Variants in TLN2 observed in about 807,000 individuals in gnomAD.
The protein encoded by TLN2 is talin 2, also known as talin-2.
In TLN2, 118 loss-of-function variants were observed where a neutral mutation model predicts 294.7. The ratio of observed to expected loss-of-function variants is 0.40; its 90% CI spans 0.34 to 0.47. The LOEUF (loss-of-function observed/expected upper bound fraction) is 0.47, where lower values mean the gene tolerates loss of function less well. Among genes scored for constraint, TLN2 ranks in the 20% least tolerant of loss-of-function variants. The pLI, the probability that TLN2 is intolerant of heterozygous loss-of-function variation, is 0.84. For missense variants in TLN2, 3,083 were observed against 3,282.2 expected (o/e 0.94, Z 1.48); for synonymous variants, 1,431 against 1,304.5 (o/e 1.10, Z -2.09).
chr15:62,809,681 T>C (rs1004910867), intron 51 of TLN2, among the ~76,000 whole-genome samples: 3 of 152,190 alleles, frequency 2.0e-5, no homozygotes, highest in African/African-American at 7.2e-5. Flanking sequence ...AAGGTCCAGA[T>C]TGAGCTGTTT....
intron 1 of TLN2, among the ~76,000 whole-genome samples, chr15:62,488,729 C>T (rs747201862): frequency 2.6e-5 from 4 of 152,168 alleles, no homozygotes; most frequent in Non-Finnish European, 5.9e-5. Flanking sequence ...AGCCAAATGG[C>T]TTCTAATTGA....
At chr15:62,837,428 A>G (rs2069835596) in intron 57 of TLN2, among the ~76,000 whole-genome samples, 1 of 152,208 alleles carries the variant, frequency 6.6e-6, no homozygotes, top group Non-Finnish European at 1.5e-5. Flanking sequence ...CAGGGGTTTC[A>G]TCTGTAAAAT....
rs141125162 is a variant in TLN2 at position 62,530,777 on chromosome 15, G to A, written c.-237-58910G>A. ...TACACTGTTGTACTTTCTGATCTTC[G>A]TCTTTCTGACACATGAAAAATAGTA... On this transcript the variant is annotated intron_variant, in intron 1 of 58. Transcript: ENST00000636159. Among the ~76,000 whole-genome samples the A allele has an allele frequency of 2.5e-3, 379 of 152,300 alleles. 2 individuals carry two copies. The highest frequency in any genetic ancestry group is 8.9e-3 in the African/African-American group (369 of 41,566).
chr15:62,434,749 G>A (rs1385209085), intron 1 of TLN2, among the ~76,000 whole-genome samples: 2 of 152,212 alleles, frequency 1.3e-5, no homozygotes, highest in Non-Finnish European at 2.9e-5. Context: ...GATGTGTGAT[G>A]TGAGGTTGAG....
intron 1 of TLN2, among the ~76,000 whole-genome samples, chr15:62,539,639 T>G (rs2041558194): frequency 6.6e-6 from 1 of 152,084 alleles, no homozygotes; most frequent in African/African-American, 2.4e-5. Flanking sequence ...AGAAGGTAGT[T>G]CCAGTGCCTG....
intron 1 of TLN2, among the ~76,000 whole-genome samples, chr15:62,497,287 A>T (rs997158421): frequency 2.6e-5 from 4 of 152,192 alleles, no homozygotes; most frequent in African/African-American, 7.2e-5. Context: ...TTCCTCCCCA[A>T]AATATCTGGG....
At chr15:62,426,478 G>A (rs2034714786) in intron 1 of TLN2, among the ~76,000 whole-genome samples, 1 of 152,178 alleles carries the variant, frequency 6.6e-6, no homozygotes, top group Non-Finnish European at 1.5e-5. Context: ...TTAACTGGCA[G>A]GGATTGGGAT....
rs376058582 is a variant in TLN2 at position 62,756,452 on chromosome 15, A to T, written c.4638+759A>T. On this transcript the variant is annotated intron_variant, in intron 37 of 58. Transcript: ENST00000636159. Reference sequence around the variant, plus strand: ...CTGTGAGAAAACAGCCACAGCCTGGACAACAGACCGCAGGCAGAAGGCCCA... The same window carrying T: ...CTGTGAGAAAACAGCCACAGCCTGGTCAACAGACCGCAGGCAGAAGGCCCA... Among the ~76,000 whole-genome samples the T allele has an allele frequency of 3.9e-5, 6 of 152,220 alleles. No homozygotes were observed. In the East Asian group the frequency reaches 9.7e-4, roughly 25 times the overall value.
intron 1 of TLN2, among the ~76,000 whole-genome samples, chr15:62,529,623 T>A (rs1172489513): frequency 6.6e-6 from 1 of 151,638 alleles, no homozygotes; most frequent in African/African-American, 2.4e-5. Flanking sequence ...AAAATAATTA[T>A]GACTCCTACC....
At chr15:62,456,315 A>T (rs1250953624) in intron 1 of TLN2, among the ~76,000 whole-genome samples, 1 of 152,148 alleles carries the variant, frequency 6.6e-6, no homozygotes, top group East Asian at 1.9e-4. Flanking sequence ...AAAGGTGAAA[A>T]GCGTTTCATC....
chr15:62,421,481 A>C (rs977186715), intron 1 of TLN2, among the ~76,000 whole-genome samples: 3 of 152,234 alleles, frequency 2.0e-5, no homozygotes, highest in Admixed American at 6.5e-5. Flanking sequence ...TGTTCGTGGA[A>C]TACTATACAG....
chr15:62,670,790 G>A (rs780114765), intron 9 of TLN2, among the ~76,000 whole-genome samples: 4 of 152,136 alleles, frequency 2.6e-5, no homozygotes, highest in Non-Finnish European at 5.9e-5. Context: ...TTTTGTGTGG[G>A]AGTGTTCTCA....
intron 8 of TLN2, among the ~76,000 whole-genome samples, chr15:62,657,047 A>C (rs961217481): frequency 6.6e-6 from 1 of 151,852 alleles, no homozygotes; most frequent in Non-Finnish European, 1.5e-5. Context: ...GAGAGATAGC[A>C]GGGCAGTGAA....
rs560780959 is a variant in TLN2 at position 62,678,104 on chromosome 15, C to T, written c.957+2783C>T. ...GCCACCACCCCTGGCCAAGCACTTGCAACTTCTATATACATATTAAATATT... is the reference window on the plus strand; with the variant it reads ...GCCACCACCCCTGGCCAAGCACTTGTAACTTCTATATACATATTAAATATT... On this transcript the variant is annotated intron_variant, in intron 11 of 58. Transcript: ENST00000636159. Among the ~76,000 whole-genome samples, 272 of 152,132 alleles carry T rather than the reference C, an allele frequency of 1.8e-3. 1 individual carries two copies. Among genetic ancestry groups the T allele is most frequent in the African/African-American group, 6.0e-3 (248 of 41,520 alleles).
chr15:62,612,898 G>A (rs981719045), intron 2 of TLN2, among the ~76,000 whole-genome samples: 4 of 152,176 alleles, frequency 2.6e-5, no homozygotes, highest in African/African-American at 9.7e-5. Context: ...TTAAAGATTT[G>A]TAATCCATTA....
intron 1 of TLN2, among the ~76,000 whole-genome samples, chr15:62,509,833 C>T (rs1267604098): frequency 1.3e-5 from 2 of 152,202 alleles, no homozygotes; most frequent in East Asian, 3.9e-4. Flanking sequence ...GCTCTGCCTC[C>T]TAATGCCTGG....
Position 62,701,156 on chromosome 15 carries a change from C to T in TLN2, c.1638C>T (p.Ile546=), listed in dbSNP as rs141677455. The change falls in exon 17 of 59, where the codon ATC becomes ATT. Residue 546 remains isoleucine, a synonymous_variant. Coordinates refer to ENST00000636159, the MANE Select transcript of TLN2 (RefSeq NM_015059.3). ...QNKVDESKHE[I]HSQVDAITAG... Reference sequence around the variant, plus strand: ...AAGTCGACGAATCCAAACACGAAATCCATTCTCAAGTTGATGCTATCACGG... The same window carrying T: ...AAGTCGACGAATCCAAACACGAAATTCATTCTCAAGTTGATGCTATCACGG... 2.9e-4 allele frequency: 463 copies of T among 1,614,106 alleles called. 4 individuals carry two copies. The African/African-American group carries it at 4.9e-3, about 17-fold the overall frequency.
intron 1 of TLN2, among the ~76,000 whole-genome samples, chr15:62,516,349 T>C (rs2040191609): frequency 6.6e-6 from 1 of 152,204 alleles, no homozygotes; most frequent in South Asian, 2.1e-4. Context: ...TCCTTTCCTC[T>C]TTGGATTATG....
intron 52 of TLN2, among the ~76,000 whole-genome samples, chr15:62,818,834 T>G (rs74020676): frequency 4.1e-4 from 37 of 90,468 alleles, no homozygotes; most frequent in African/African-American, 1.5e-3. Flanking sequence ...CATGTTCTTT[T>G]TTTTTTTATT....
Sources: gnomAD v4.1 joint callset for allele counts (sites outside exome capture counted in the v4.1 genomes callset) on GRCh38, gnomAD v4.1.1 for gene constraint, MANE v1.5 for transcripts, NCBI Gene and HGNC (gene_info 2026-07-23, HGNC 2026-07-21) for gene names.